The following GCC2 variants were observed in gnomAD, a reference collection of about 807,000 sequenced individuals.
GCC2 encodes GRIP and coiled-coil domain-containing protein 2.
Under a neutral mutation model 210.6 loss-of-function variants are expected in GCC2, and 120 were observed. That is an observed-to-expected ratio of 0.57 (90% confidence interval 0.49 to 0.66). GCC2 has a LOEUF of 0.66. Ranked by LOEUF, GCC2 falls within the 30% of genes least tolerant of loss-of-function variation. The pLI is 0.00. For synonymous variants in GCC2, 703 were observed against 652.7 expected, an observed-to-expected ratio of 1.08 and a Z score of -1.17; for missense variants, 1,868 against 1,871.9, an observed-to-expected ratio of 1.00 and a Z score of 0.04.
chr2:108,489,482 T>C (rs1049062178), intron 17 of GCC2, among the ~76,000 whole-genome samples: 3 of 151,440 alleles, frequency 2.0e-5, no homozygotes, highest in Non-Finnish European at 2.9e-5. Flanking sequence ...GCCACTGCAC[T>C]CCAGCCTGGG....
At chr2:108,474,179 C>T (rs1045842679) in intron 7 of GCC2, among the ~76,000 whole-genome samples, 3 of 151,750 alleles carry the variant, frequency 2.0e-5, no homozygotes, top group African/African-American at 2.4e-5. Flanking sequence ...TAAATAAAGC[C>T]GGGAGATTCA....
intron 4 of GCC2, among the ~76,000 whole-genome samples, chr2:108,452,717 T>C (rs1483452603): frequency 7.6e-6 from 1 of 131,156 alleles, no homozygotes. Context: ...TTTTTTGAGA[T>C]GGAGTCTCAC....
intron 2 of GCC2, 68 bp downstream of exon 2, chr2:108,449,757 A>G (rs1679812925): frequency 8.5e-7 from 1 of 1,173,892 alleles, no homozygotes; most frequent in Non-Finnish European, 1.3e-6. Context: ...AAACTTTGGC[A>G]TGGGGAAGGG....
chr2:108,458,867 C>T (rs147577748), intron 4 of GCC2, among the ~76,000 whole-genome samples: 3 of 152,132 alleles, frequency 2.0e-5, no homozygotes, highest in African/African-American at 7.2e-5. Context: ...GAAGAACAAG[C>T]TTTTCATTTT....
Position 108,471,079 on chromosome 2 carries a change from G to A in GCC2, c.1750G>A (p.Glu584Lys), listed in dbSNP as rs1162868458. Reference protein sequence around the residue: ...SLSQRDTMLKELEGKINSLTE... With the variant: ...SLSQRDTMLKKLEGKINSLTE... ...CAGTCAAAGAGATACCATGTTAAAA[G>A]AATTAGAAGGAAAGATAAATTCTCT... The change falls in exon 6 of 23, where the codon GAA (glutamate) becomes AAA (lysine). Residue 584 changes from glutamate (E) to lysine (K), a missense_variant. Glu to Lys is a moderately conservative substitution (Grantham distance 56). Transcript: ENST00000309863. The A allele has an allele frequency of 1.3e-6, 2 of 1,582,658 alleles. No homozygotes were observed. The highest frequency in any genetic ancestry group is 1.1e-5 in the South Asian group (1 of 88,452).
chr2:108,498,066 T>C (rs1682731676), intron 21 of GCC2, among the ~76,000 whole-genome samples: 1 of 151,848 alleles, frequency 6.6e-6, no homozygotes, highest in South Asian at 2.1e-4. Context: ...CACCATTAAA[T>C]ACTTCAGTAT....
intron 5 of GCC2, 138 bp from the exon 6 acceptor site, chr2:108,469,513 T>C: frequency 1.7e-6 from 1 of 598,732 alleles, no homozygotes; most frequent in Non-Finnish European, 2.9e-6. Flanking sequence ...TATTGGAATA[T>C]CAGTATCATG....
chr2:108,482,330 T>C lies in GCC2; in HGVS notation c.3224T>C (p.Ile1075Thr), dbSNP rs139867631. Residue 1075 changes from isoleucine (I) to threonine (T), a missense_variant, in exon 11 of 23, where the codon ATT becomes ACT. This residue lies in a region of GCC2 where 1,847 missense variants were observed against 1,765.2 expected (regional missense o/e 1.05). Coordinates refer to ENST00000309863, the MANE Select transcript of GCC2 (RefSeq NM_181453.4). ...GATAATGAAGATCTCCTGGCTCGTATTGAGACATTACAGTCTAATGCCAAA... is the reference window on the plus strand; with the variant it reads ...GATAATGAAGATCTCCTGGCTCGTACTGAGACATTACAGTCTAATGCCAAA... ...NSDNEDLLAR[I>T]ETLQSNAKLL... The C allele has an allele frequency of 5.7e-6, 9 of 1,591,934 alleles. No homozygotes were observed. In the African/African-American group the frequency reaches 1.2e-4, roughly 21 times the overall value.
chr2:108,471,714 G>A lies in GCC2; in HGVS notation c.2385G>A (p.Glu795=), dbSNP rs768472292. The A allele has an allele frequency of 6.2e-7, 1 of 1,613,042 alleles. No homozygotes were observed. Among genetic ancestry groups the A allele is most frequent in the South Asian group, 1.1e-5 (1 of 90,866 alleles). The change falls in exon 6 of 23, where the codon GAG becomes GAA. Residue 795 remains glutamate (E), a synonymous_variant. Coordinates refer to ENST00000309863, the MANE Select transcript of GCC2 (RefSeq NM_181453.4). ...GTGAATCCTTGGCAAAAATAAATGA[G>A]GAAAAATGCAACCTGGCTTTTCAGC... The part of the protein sequence containing the change: ...AVGESLAKIN[E]EKCNLAFQRD...
At chr2:108,462,715 A>G (rs1680668447) in intron 4 of GCC2, 1 of 151,088 alleles carries the variant, frequency 6.6e-6, no homozygotes, top group African/African-American at 2.4e-5. Context: ...GATGCCCATC[A>G]CCACGCCCAG....
chr2:108,461,191 C>A (rs1680550969), intron 4 of GCC2, among the ~76,000 whole-genome samples: 1 of 152,062 alleles, frequency 6.6e-6, no homozygotes, highest in African/African-American at 2.4e-5. Context: ...TCTCTTTTCT[C>A]TTCTCTTTTC....
At chr2:108,501,917 ATC>A (rs1476445323) in intron 22 of GCC2, among the ~76,000 whole-genome samples, 1 of 152,176 alleles carries the variant, frequency 6.6e-6, no homozygotes, top group Non-Finnish European at 1.5e-5. Flanking sequence ...ACTGACAGTA[ATC>A]TCAGTTCTTC....
chr2:108,455,139 G>T (rs1163862581), intron 4 of GCC2, among the ~76,000 whole-genome samples: 1 of 151,850 alleles, frequency 6.6e-6, no homozygotes, highest in Admixed American at 6.6e-5. Flanking sequence ...TACTCCTAAA[G>T]ACAAGATTAG....
rs767562609 is a variant in GCC2 at position 108,486,598 on chromosome 2, G to A, written c.3880G>A (p.Ala1294Thr). The change falls in exon 16 of 23, where the codon GCA (alanine) becomes ACA (threonine). Residue 1294 changes from alanine (A) to threonine (T), a missense_variant. By Grantham distance (58) the Ala-to-Thr change is moderately conservative. Transcript: ENST00000309863. ...GGAACAGCACCAGCGTACGCTAAGTGCATACCAGCAGAGAGTGACAGCACT... is the reference window on the plus strand; with the variant it reads ...GGAACAGCACCAGCGTACGCTAAGTACATACCAGCAGAGAGTGACAGCACT... The part of the protein sequence containing the change: ...SAEQHQRTLS[A>T]YQQRVTALQE... 6.2e-7 allele frequency: 1 copy of A among 1,614,134 alleles called. No individual in the cohort carries two copies. Among genetic ancestry groups the A allele is most frequent in the Non-Finnish European group, 8.5e-7 (1 of 1,179,974 alleles).
intron 18 of GCC2, among the ~76,000 whole-genome samples, chr2:108,492,009 G>GT: frequency 6.6e-6 from 1 of 152,130 alleles, no homozygotes; most frequent in Non-Finnish European, 1.5e-5. Context: ...AGGTATTCCA[G>GT]TGATTCTCAT....
chr2:108,505,495 A>G (rs1683137260), intron 22 of GCC2, among the ~76,000 whole-genome samples: 2 of 152,150 alleles, frequency 1.3e-5, no homozygotes, highest in East Asian at 1.9e-4. Flanking sequence ...AACCAGTAGA[A>G]TACAGCAAAA....
intron 17 of GCC2, among the ~76,000 whole-genome samples, chr2:108,488,230 CTG>C (rs1682242824): frequency 6.6e-6 from 1 of 152,072 alleles, no homozygotes; most frequent in South Asian, 2.1e-4. Context: ...TGATTTTTAA[CTG>C]TGAAATTATG....
rs866490440 is a variant in GCC2 at position 108,484,263 on chromosome 2, G to A, written c.3565G>A (p.Glu1189Lys). Residue 1189 changes from glutamate to lysine, a missense_variant, in exon 13 of 23, where the codon GAA becomes AAA. Glu to Lys is a moderately conservative substitution (Grantham distance 56). This residue lies in a region of GCC2 where 1,847 missense variants were observed against 1,765.2 expected (regional missense o/e 1.05). Coordinates refer to ENST00000309863, the MANE Select transcript of GCC2 (RefSeq NM_181453.4). ...CAACAAGATAGAAGATTTGGAGCAAGAAATAAAAATTCAAAAACAGAAACA... is the reference window on the plus strand; with the variant it reads ...CAACAAGATAGAAGATTTGGAGCAAAAAATAAAAATTCAAAAACAGAAACA... ...KNNKIEDLEQ[E>K]IKIQKQKQET... 1 of 1,555,868 alleles carries A rather than the reference G, an allele frequency of 6.4e-7. No homozygotes were observed.
intron 12 of GCC2, among the ~76,000 whole-genome samples, chr2:108,483,721 A>G (rs1237557953): frequency 2.0e-5 from 3 of 152,152 alleles, no homozygotes. Context: ...TGTATACATG[A>G]TTGTTGTATG....
Sources: gnomAD v4.1 joint callset for allele counts (sites outside exome capture counted in the v4.1 genomes callset) on GRCh38, gnomAD v4.1.1 for gene constraint, gnomAD v4.1.1 regional missense constraint, MANE v1.5 for transcripts, NCBI Gene and HGNC (gene_info 2026-07-23, HGNC 2026-07-21) for gene names.